The following NSD1 variants were observed in gnomAD, a reference collection of about 807,000 sequenced individuals.
NSD1 encodes histone-lysine N-methyltransferase, H3 lysine-36 specific.
A neutral mutation model predicts 242.7 loss-of-function variants in NSD1; 26 were observed. The ratio of observed to expected loss-of-function variants is 0.11; its 90% CI spans 0.08 to 0.15. NSD1 has a LOEUF of 0.15. Ranked by LOEUF, NSD1 falls within the 10% of genes least tolerant of loss-of-function variation. The probability of loss-of-function intolerance (pLI) is 1.00; values close to 1 mark genes in which losing one functional copy is unlikely to be tolerated. For synonymous variants in NSD1, 1,106 were observed against 1,178.1 expected, an observed-to-expected ratio of 0.94 and a Z score of 1.25; for missense variants, 2,495 against 3,272.8, an observed-to-expected ratio of 0.76 and a Z score of 5.80.
At chr5:177,251,006 G>A (rs1360724382) in intron 11 of NSD1, among the ~76,000 whole-genome samples, 6 of 151,998 alleles carry the variant, frequency 3.9e-5, no homozygotes, top group Non-Finnish European at 8.8e-5. Context: ...CCTGGCCAAC[G>A]TGGTGAAACC....
At chr5:177,265,802 T>A in intron 14 of NSD1, 2 of 1,402,120 alleles carry the variant, frequency 1.4e-6, no homozygotes, top group Non-Finnish European at 2.0e-6. Flanking sequence ...TCCGGTCCTC[T>A]TGTGGCAGTG....
intron 2 of NSD1, among the ~76,000 whole-genome samples, chr5:177,161,226 A>C (rs1001793347): frequency 3.3e-5 from 5 of 152,078 alleles, no homozygotes; most frequent in African/African-American, 1.2e-4. Flanking sequence ...TCTACAAAAA[A>C]AATAAATTAG....
intron 8 of NSD1, 89 bp from the exon 9 acceptor site, chr5:177,244,106 G>A: frequency 1.1e-6 from 1 of 925,864 alleles, no homozygotes; most frequent in Non-Finnish European, 1.7e-6. Flanking sequence ...CAATATCCAT[G>A]GCAGCTGACA....
chr5:177,135,667 G>A lies in NSD1; in HGVS notation c.564G>A (p.Gln188=), dbSNP rs1256670576. 2 of 1,614,194 alleles carry A rather than the reference G, an allele frequency of 1.2e-6. No homozygotes were observed. The highest frequency in any genetic ancestry group is 3.3e-5 in the Admixed American group (2 of 60,020). Residue 188 remains glutamine (Q), a synonymous_variant, in exon 2 of 23, where the codon CAG becomes CAA. Transcript: ENST00000439151. ...TAGAGGAGATCTTTGAGGAAACTCA[G>A]ACCAATGCCACCTGCAATTATGAGA... ...ESIEEIFEET[Q]TNATCNYETK... is the part of the protein sequence containing the mutation.
intron 8 of NSD1, among the ~76,000 whole-genome samples, chr5:177,243,673 TC>T (rs1766062306): frequency 6.6e-6 from 1 of 152,290 alleles, no homozygotes; most frequent in Admixed American, 6.5e-5. Flanking sequence ...TAGGTGGTGT[TC>T]ACAGGTCTGT....
At chr5:177,207,593 ATTTTTTTT>A (rs150492535) in intron 4 of NSD1, among the ~76,000 whole-genome samples, 10 of 78,220 alleles carry the variant, frequency 1.3e-4, no homozygotes, top group African/African-American at 5.6e-4. Flanking sequence ...ATTTATTTAA[ATTTTTTTT>A]TTTTTTTTTT....
upstream of NSD1, among the ~76,000 whole-genome samples, chr5:177,132,397 C>T (rs1330596937): frequency 1.3e-5 from 2 of 151,372 alleles, no homozygotes; most frequent in South Asian, 4.1e-4. This position sits in a 1 kb window ranked among gnomAD's most constrained non-coding sequence, Gnocchi z 7.5. Context: ...CGCACATACC[C>T]ACGCCGGCCG....
At position 177,136,206 on chromosome 5, in the gene NSD1, G is replaced by A. The variant is rs961856792; in HGVS notation, c.927+176G>A. On this transcript the variant is annotated intron_variant, in intron 2 of 22. Coordinates refer to ENST00000439151, the MANE Select transcript of NSD1 (RefSeq NM_022455.5). ...TTTGATTTTTAAATTTATCTCTGTT[G>A]TATGAATTTGGTTGTTTTAAGCTTT... 5.0e-5 allele frequency: 30 copies of A among 596,148 alleles called. No individual in the cohort carries two copies. The Admixed American group carries it at 8.1e-4, about 16-fold the overall frequency. The allele number at this position is 596,148 out of a possible 1,614,324, so 36.9% of individuals were successfully genotyped here.
In NSD1 at chr5:177,298,314, G is replaced by A. The variant is rs1403475532; in HGVS notation, c.*2855G>A. ...GGAAATTGAGATCTCAAGAGTGTTTGCCTTGGAGCCAGCTCCCCAGGAGGC... is the reference window on the plus strand; with the variant it reads ...GGAAATTGAGATCTCAAGAGTGTTTACCTTGGAGCCAGCTCCCCAGGAGGC... On this transcript the variant is annotated 3_prime_UTR_variant, in exon 23 of 23. Coordinates refer to ENST00000439151, the MANE Select transcript of NSD1 (RefSeq NM_022455.5). The A allele has an allele frequency of 1.3e-5, 3 of 233,150 alleles. No homozygotes were observed. Among genetic ancestry groups the A allele is most frequent in the Non-Finnish European group, 2.5e-5 (3 of 118,046 alleles). The allele number at this position is 233,150 out of a possible 1,614,324, so 14.4% of individuals were successfully genotyped here.
intron 14 of NSD1, chr5:177,264,752 T>C (rs1581480510): frequency 1.4e-6 from 1 of 727,240 alleles, no homozygotes. Flanking sequence ...GCCATCTTCC[T>C]GTAATTCGCC....
At chr5:177,270,154 A>ACTCTT (rs113886165) in intron 16 of NSD1, among the ~76,000 whole-genome samples, 1 of 150,438 alleles carries the variant, frequency 6.6e-6, no homozygotes, top group Non-Finnish European at 1.5e-5. Context: ...TGCTCCAAGG[A>ACTCTT]GTCTTGTCTT....
At chr5:177,160,403 A>G (rs1417788794) in intron 2 of NSD1, among the ~76,000 whole-genome samples, 1 of 151,470 alleles carries the variant, frequency 6.6e-6, no homozygotes, top group Non-Finnish European at 1.5e-5. Context: ...CAGGTTCAAG[A>G]GATTCTCCTG....
At chr5:177,266,044 C>T in intron 14 of NSD1, 1 of 1,069,900 alleles carries the variant, frequency 9.3e-7, no homozygotes, top group East Asian at 2.4e-5. Context: ...AAACGTTCTC[C>T]CACCAGTGGA....
intron 5 of NSD1, among the ~76,000 whole-genome samples, chr5:177,226,760 G>A (rs974282896): frequency 6.6e-6 from 1 of 151,934 alleles, no homozygotes; most frequent in African/African-American, 2.4e-5. Flanking sequence ...TTAACATCCA[G>A]TCTAACCACC....
At chr5:177,237,465 TCA>T (rs1765537471) in intron 6 of NSD1, among the ~76,000 whole-genome samples, 1 of 149,166 alleles carries the variant, frequency 6.7e-6, no homozygotes, top group African/African-American at 2.4e-5. Flanking sequence ...TCAGTGTATC[TCA>T]GTCAACTTCA....
chr5:177,182,637 ATTTTAT>A (rs1760788889), intron 2 of NSD1, among the ~76,000 whole-genome samples: 2 of 140,692 alleles, frequency 1.4e-5, no homozygotes, highest in Admixed American at 1.4e-4. Context: ...TAAAATTTTT[ATTTTAT>A]TTTTATTTTT....
rs1291292554 is a variant in NSD1 at position 177,238,064 on chromosome 5, T to G, written c.3922-173T>G. ...CTCATATACTTGAAATCATACGATA[T>G]TTGTTCTTTGTGTCTTAAGTAATTT... On this transcript the variant is annotated intron_variant, in intron 6 of 22. Transcript: ENST00000439151. The surrounding 1 kb of genome is among the most constrained non-coding windows in gnomAD (Gnocchi z 4.6). 6.6e-6 allele frequency among the ~76,000 whole-genome samples: 1 copy of G among 151,824 alleles called. No individual in the cohort carries two copies. The highest frequency in any genetic ancestry group is 1.5e-5 in the Non-Finnish European group (1 of 67,892).
Position 177,195,623 on chromosome 5 carries a change from A to T in NSD1, c.1063+3604A>T, listed in dbSNP as rs79848598. 5.6e-3 allele frequency among the ~76,000 whole-genome samples: 857 copies of T among 152,208 alleles called. 54 individuals carry two copies. In the East Asian group the frequency reaches 0.15, roughly 26 times the overall value. On this transcript the variant is annotated intron_variant, in intron 3 of 22. Coordinates refer to ENST00000439151, the MANE Select transcript of NSD1 (RefSeq NM_022455.5). Reference sequence around the variant, plus strand: ...GCTGGGGCTACAGGCATTCGCCACTATGCCTGGCTTAGTTTTTAATTTTTT... The same window carrying T: ...GCTGGGGCTACAGGCATTCGCCACTTTGCCTGGCTTAGTTTTTAATTTTTT...
intron 3 of NSD1, 98 bp downstream of exon 3, chr5:177,192,117 T>C (rs1239920861): frequency 9.1e-7 from 1 of 1,104,756 alleles, no homozygotes; most frequent in African/African-American, 1.6e-5. Flanking sequence ...CCTTGGAACA[T>C]TTTGTGAATG....
Sources: allele counts gnomAD v4.1 joint callset (sites outside exome capture counted in the v4.1 genomes callset), GRCh38; gene constraint gnomAD v4.1.1; non-coding constraint Gnocchi (gnomAD v3.1); transcripts MANE v1.5; gene names NCBI Gene and HGNC (gene_info 2026-07-23, HGNC 2026-07-21).